Variants in CDH13 observed in about 807,000 individuals in gnomAD.
CDH13 encodes the protein cadherin-13.
A neutral mutation model predicts 63.8 loss-of-function variants in CDH13; 24 were observed. The ratio of observed to expected loss-of-function variants is 0.38; its 90% CI spans 0.27 to 0.53. The LOEUF is 0.53. CDH13 is among the 20% of genes least tolerant of loss of function. The pLI is 0.85. For missense variants in CDH13, 1,049 were observed against 903.1 expected (o/e 1.16, Z -2.07); for synonymous variants, 503 against 355.3 (o/e 1.42, Z -4.67).
chr16:82,696,606 G>A (rs2030321247), intron 1 of CDH13, among the ~76,000 whole-genome samples: 1 of 152,224 alleles, frequency 6.6e-6, no homozygotes, highest in Non-Finnish European at 1.5e-5. Flanking sequence ...AACGAAGGCT[G>A]TAACAGGAAA....
chr16:83,053,604 A>C (rs1353323747), intron 3 of CDH13, among the ~76,000 whole-genome samples: 1 of 152,242 alleles, frequency 6.6e-6, no homozygotes, highest in African/African-American at 2.4e-5. Flanking sequence ...GGAAGGGTAC[A>C]GAAAAATAGA....
At chr16:82,708,886 G>C (rs1251506139) in intron 1 of CDH13, among the ~76,000 whole-genome samples, 1 of 152,182 alleles carries the variant, frequency 6.6e-6, no homozygotes, top group African/African-American at 2.4e-5. Context: ...AATTCTGCTA[G>C]GGCTCTCTTA....
chr16:83,730,854 C>T (rs1432416380), intron 10 of CDH13, among the ~76,000 whole-genome samples: 11 of 152,136 alleles, frequency 7.2e-5, no homozygotes, highest in Non-Finnish European at 1.6e-4. Flanking sequence ...CTATTGCTCC[C>T]ATCTTTGTGT....
intron 6 of CDH13, among the ~76,000 whole-genome samples, chr16:83,459,321 A>T (rs1196311612): frequency 6.6e-6 from 1 of 152,224 alleles, no homozygotes; most frequent in Non-Finnish European, 1.5e-5. Context: ...TTCCAGTGGG[A>T]GAGAGGACAG....
intron 4 of CDH13, among the ~76,000 whole-genome samples, chr16:83,152,273 A>G (rs79228002): frequency 0.026 from 4,021 of 152,336 alleles, 85 homozygotes; most frequent in East Asian, 0.11. Context: ...ATGATCCACG[A>G]CAAGGAAGTC....
chr16:83,099,079 C>T (rs1042419753), intron 3 of CDH13, among the ~76,000 whole-genome samples: 1 of 152,028 alleles, frequency 6.6e-6, no homozygotes, highest in African/African-American at 2.4e-5. Flanking sequence ...TGCACATACA[C>T]ACCCACACAC....
intron 7 of CDH13, among the ~76,000 whole-genome samples, chr16:83,492,999 G>A (rs1013152214): frequency 6.6e-6 from 1 of 151,912 alleles, no homozygotes; most frequent in African/African-American, 2.4e-5. Flanking sequence ...TAGACTACCT[G>A]TGTTTTTTGT....
chr16:83,504,811 T>A (rs377509114), intron 7 of CDH13, among the ~76,000 whole-genome samples: 2 of 152,242 alleles, frequency 1.3e-5, no homozygotes, highest in South Asian at 4.1e-4. Flanking sequence ...AAAATAACAT[T>A]TGTTTATAGT....
chr16:83,778,323 C>T (rs1915263644), intron 11 of CDH13, among the ~76,000 whole-genome samples: 1 of 152,090 alleles, frequency 6.6e-6, no homozygotes, highest in South Asian at 2.1e-4. Context: ...TGAAGTCAGG[C>T]GTTTGAGACC....
intron 4 of CDH13, chr16:83,181,031 C>T (rs1489983684): frequency 2.3e-5 from 34 of 1,501,950 alleles, no homozygotes; most frequent in Non-Finnish European, 2.9e-5. Flanking sequence ...CACTAGCACT[C>T]GGTATTTCAA....
intron 5 of CDH13, among the ~76,000 whole-genome samples, chr16:83,323,239 T>TTTCTTTCTTTCTTTCTTTCTTTCC (rs1337850244): frequency 9.0e-6 from 1 of 110,808 alleles, no homozygotes; most frequent in East Asian, 2.9e-4. Context: ...TCTTTCTTTC[T>TTTCTTTCTTTCTTTCTTTCTTTCC]TTCCTTCCTT....
intron 1 of CDH13, among the ~76,000 whole-genome samples, chr16:82,779,586 A>G (rs2035655185): frequency 6.6e-6 from 1 of 152,208 alleles, no homozygotes; most frequent in African/African-American, 2.4e-5. Flanking sequence ...AGGGGCCAGG[A>G]GAGAATGCCA....
At chr16:82,830,667 G>C (rs1309058501) in intron 1 of CDH13, among the ~76,000 whole-genome samples, 1 of 152,206 alleles carries the variant, frequency 6.6e-6, no homozygotes, top group Non-Finnish European at 1.5e-5. Context: ...GACATGCCAT[G>C]ATGGCATGGA....
chr16:83,698,197 T>G (rs1364867858), intron 10 of CDH13, among the ~76,000 whole-genome samples: 1 of 152,274 alleles, frequency 6.6e-6, no homozygotes, highest in Non-Finnish European at 1.5e-5. Context: ...GACTGTAGTG[T>G]GTCCTGTTCA....
chr16:83,138,462 G>A (rs939508778), intron 4 of CDH13, among the ~76,000 whole-genome samples: 7 of 152,198 alleles, frequency 4.6e-5, no homozygotes, highest in Non-Finnish European at 1.0e-4. Flanking sequence ...AGCTGAGATG[G>A]GAAGAAAGCG....
intron 4 of CDH13, among the ~76,000 whole-genome samples, chr16:83,183,747 A>G (rs2038421774): frequency 6.6e-6 from 1 of 152,210 alleles, no homozygotes; most frequent in South Asian, 2.1e-4. Context: ...AGCGAGTGGT[A>G]GTCTAGTCTC....
At chr16:82,753,317 A>G (rs1316029131) in intron 1 of CDH13, among the ~76,000 whole-genome samples, 1 of 152,192 alleles carries the variant, frequency 6.6e-6, no homozygotes, top group Non-Finnish European at 1.5e-5. Flanking sequence ...CAAAAACAAT[A>G]TGCATATCTG....
At chr16:82,651,207 A>G (rs1257513736) in intron 1 of CDH13, among the ~76,000 whole-genome samples, 1 of 152,260 alleles carries the variant, frequency 6.6e-6, no homozygotes, top group Non-Finnish European at 1.5e-5. Flanking sequence ...TTTAACAAAT[A>G]AGAAATAACT....
chr16:83,761,873 C>G (rs964128440), intron 11 of CDH13, among the ~76,000 whole-genome samples: 1 of 152,032 alleles, frequency 6.6e-6, no homozygotes, highest in Non-Finnish European at 1.5e-5. Context: ...TCGATACCAG[C>G]CAGGCCAACA....
Sources: gnomAD v4.1 joint callset for allele counts (sites outside exome capture counted in the v4.1 genomes callset) on GRCh38, gnomAD v4.1.1 for gene constraint, MANE v1.5 for transcripts, NCBI Gene and HGNC (gene_info 2026-07-23, HGNC 2026-07-21) for gene names.